The following ASXL2 variants were observed in gnomAD, a reference collection of about 807,000 sequenced individuals.
ASXL2 encodes ASXL transcriptional regulator 2, also known as putative Polycomb group protein ASXL2.
A neutral mutation model predicts 122.0 loss-of-function variants in ASXL2; 23 were observed. That is an observed-to-expected ratio of 0.19 (90% CI 0.14 to 0.27). The LOEUF (loss-of-function observed/expected upper bound fraction) is 0.27, where lower values mean the gene tolerates loss of function less well. Among genes scored for constraint, ASXL2 ranks in the 10% least tolerant of loss-of-function variants. The pLI is 1.00. For synonymous variants in ASXL2, 650 were observed against 637.0 expected, an observed-to-expected ratio of 1.02 and a Z score of -0.31; for missense variants, 1,518 against 1,713.8, an observed-to-expected ratio of 0.89 and a Z score of 2.02.
intron 3 of ASXL2, among the ~76,000 whole-genome samples, chr2:25,813,131 T>C (rs371648068): frequency 9.4e-4 from 143 of 152,300 alleles, no homozygotes; most frequent in Non-Finnish European, 1.2e-3. Flanking sequence ...TCAGTTCCAA[T>C]ATTAAGTACC....
At chr2:25,778,800 T>C (rs777124640) in intron 5 of ASXL2, among the ~76,000 whole-genome samples, 3 of 152,184 alleles carry the variant, frequency 2.0e-5, no homozygotes, top group Non-Finnish European at 4.4e-5. Flanking sequence ...AAATCTTACA[T>C]AACTTTTGGC....
rs1309982493 is a variant in ASXL2, at chr2:25,733,974, GA to G, written c.*8054del. ...GCGCACAAAGATTTTAAGTGAATAA[GA>G]ATTACATACGGTAATTTCTTCCATT... On this transcript the variant is annotated 3_prime_UTR_variant, in exon 13 of 13. Coordinates refer to ENST00000435504, the MANE Select transcript of ASXL2 (RefSeq NM_018263.6). 6.6e-6 allele frequency: 1 copy of G among 151,978 alleles called. No individual in the cohort carries two copies. The highest frequency in any genetic ancestry group is 1.9e-4 in the East Asian group (1 of 5,196). The allele number at this position is 151,978 out of a possible 1,614,324, so 9.4% of individuals were successfully genotyped here. A position where few individuals can be genotyped will look rare whatever the true frequency, so the allele number is the denominator to read the frequency against.
chr2:25,870,748 T>C (rs1179615380), intron 1 of ASXL2, among the ~76,000 whole-genome samples: 2 of 152,028 alleles, frequency 1.3e-5, no homozygotes, highest in Non-Finnish European at 2.9e-5. Context: ...ATCCATGATA[T>C]TCATAAAATA....
At chr2:25,833,661 A>T (rs7579354) in intron 3 of ASXL2, among the ~76,000 whole-genome samples, 57,022 of 151,620 alleles carry the variant, frequency 0.38, 12,539 homozygotes, top group Non-Finnish European at 0.5. Flanking sequence ...GCACCACTGC[A>T]CTCCAGCCTG....
intron 1 of ASXL2, among the ~76,000 whole-genome samples, chr2:25,858,631 G>A (rs552096589): frequency 4.0e-5 from 6 of 150,840 alleles, no homozygotes; most frequent in South Asian, 4.2e-4. Flanking sequence ...GCTGAGGCAG[G>A]AGAATTGCTT....
chr2:25,788,571 GAATCCCGTTA>G (rs2088783854), intron 5 of ASXL2, among the ~76,000 whole-genome samples: 1 of 152,172 alleles, frequency 6.6e-6, no homozygotes, highest in Non-Finnish European at 1.5e-5. Flanking sequence ...CAGTGTATAA[GAATCCCGTTA>G]TTTCACATGA....
intron 1 of ASXL2, among the ~76,000 whole-genome samples, chr2:25,873,963 T>A (rs951163171): frequency 6.6e-6 from 1 of 152,202 alleles, no homozygotes; most frequent in East Asian, 1.9e-4. Context: ...AAAGTTCTGC[T>A]TTGCAAAAAC....
At chr2:25,845,015 T>C (rs1202204625) in intron 2 of ASXL2, among the ~76,000 whole-genome samples, 3 of 152,210 alleles carry the variant, frequency 2.0e-5, no homozygotes, top group African/African-American at 7.2e-5. Context: ...CCAAGTCTAT[T>C]ATATTTGAAC....
At chr2:25,816,030 G>C (rs1046543174) in intron 3 of ASXL2, among the ~76,000 whole-genome samples, 27 of 152,282 alleles carry the variant, frequency 1.8e-4, no homozygotes, top group African/African-American at 6.3e-4. Flanking sequence ...GAGGTAAGAT[G>C]CTACCCAAAT....
chr2:25,810,382 T>G, intron 3 of ASXL2: 1 of 665,274 alleles, frequency 1.5e-6, no homozygotes, highest in Non-Finnish European at 2.8e-6. Context: ...TTTAACAACC[T>G]TCATATCTCT....
chr2:25,763,484 C>T (rs1460201664), intron 8 of ASXL2, among the ~76,000 whole-genome samples: 2 of 149,922 alleles, frequency 1.3e-5, no homozygotes, highest in African/African-American at 4.9e-5. Flanking sequence ...ATCAAGACTC[C>T]ATGTTAAAAA....
intron 1 of ASXL2, 58 bp downstream of exon 1, chr2:25,878,108 G>T: frequency 1.2e-6 from 2 of 1,602,012 alleles, no homozygotes; most frequent in South Asian, 2.2e-5. Context: ...CCCTGCGACT[G>T]GCGGGCGACA....
chr2:25,767,478 C>T, intron 8 of ASXL2, 105 bp downstream of exon 8: 1 of 1,254,810 alleles, frequency 8.0e-7, no homozygotes, highest in Non-Finnish European at 1.1e-6. Context: ...TGCTATGTAA[C>T]TCAAATCTAA....
In ASXL2 at chr2:25,757,244, C is replaced by T. The variant is rs183080061; in HGVS notation, c.940-1130G>A. ...GACAGTAGTTTGTATTCCACTTAATCGAAATTCTATATTCTCTACACATAA... is the reference window on the plus strand; with the variant it reads ...GACAGTAGTTTGTATTCCACTTAATTGAAATTCTATATTCTCTACACATAA... On this transcript the variant is annotated intron_variant, in intron 9 of 12. Coordinates refer to ENST00000435504, the MANE Select transcript of ASXL2 (RefSeq NM_018263.6). Among the ~76,000 whole-genome samples the T allele has an allele frequency of 9.1e-4, 139 of 152,064 alleles. 2 individuals are homozygous for T. The highest frequency in any genetic ancestry group is 3.1e-3 in the African/African-American group (130 of 41,496).
At chr2:25,792,356 C>T (rs977559532) in intron 5 of ASXL2, among the ~76,000 whole-genome samples, 1 of 152,108 alleles carries the variant, frequency 6.6e-6, no homozygotes, top group African/African-American at 2.4e-5. Context: ...AAACTAATGG[C>T]TTAAACAACA....
intron 2 of ASXL2, among the ~76,000 whole-genome samples, chr2:25,842,302 G>A (rs2089592435): frequency 6.6e-6 from 1 of 152,118 alleles, no homozygotes; most frequent in Non-Finnish European, 1.5e-5. Flanking sequence ...TGGTCAGCAT[G>A]TACTGCTTTG....
intron 3 of ASXL2, among the ~76,000 whole-genome samples, chr2:25,821,767 C>T (rs2089313913): frequency 6.6e-6 from 1 of 152,222 alleles, no homozygotes; most frequent in South Asian, 2.1e-4. Flanking sequence ...TAAATATCCA[C>T]TTATCAAATA....
chr2:25,757,935 A>G (rs2088168175), intron 9 of ASXL2, among the ~76,000 whole-genome samples: 1 of 151,700 alleles, frequency 6.6e-6, no homozygotes, highest in Non-Finnish European at 1.5e-5. Flanking sequence ...AAAAAAAAAA[A>G]AAAAAAGATG....
chr2:25,790,080 C>T (rs1429092627), intron 5 of ASXL2, among the ~76,000 whole-genome samples: 1 of 152,054 alleles, frequency 6.6e-6, no homozygotes, highest in Non-Finnish European at 1.5e-5. Context: ...ACCCTCTCCC[C>T]CTTTTTTAAA....
Sources: allele counts gnomAD v4.1 joint callset (sites outside exome capture counted in the v4.1 genomes callset), GRCh38; gene constraint gnomAD v4.1.1; transcripts MANE v1.5; gene names NCBI Gene and HGNC (gene_info 2026-07-23, HGNC 2026-07-21).